The following KHDRBS3 variants were observed in gnomAD, a reference collection of about 807,000 sequenced individuals.
KHDRBS3 encodes KH domain-containing, RNA-binding, signal transduction-associated protein 3.
Under a neutral mutation model 45.6 loss-of-function variants are expected in KHDRBS3, and 23 were observed. The ratio of observed to expected loss-of-function variants is 0.50; its 90% CI spans 0.36 to 0.72. The LOEUF (loss-of-function observed/expected upper bound fraction) is 0.72, where lower values mean the gene tolerates loss of function less well. Ranked by LOEUF, KHDRBS3 falls within the 30% of genes least tolerant of loss-of-function variation. KHDRBS3 has a pLI of 0.00. For synonymous variants in KHDRBS3, 162 were observed against 156.5 expected (o/e 1.04, Z -0.26); for missense variants, 352 against 424.8 (o/e 0.83, Z 1.51).
intron 1 of KHDRBS3, among the ~76,000 whole-genome samples, chr8:135,517,408 G>A (rs928714566): frequency 1.3e-5 from 2 of 152,026 alleles, no homozygotes; most frequent in Non-Finnish European, 2.9e-5. Flanking sequence ...TTCCTCCCTC[G>A]GGGAAGATGA....
chr8:135,539,005 A>G (rs1483564396), intron 2 of KHDRBS3: 3 of 152,242 alleles, frequency 2.0e-5, no homozygotes, highest in African/African-American at 7.2e-5. Context: ...TTGAACTTGC[A>G]AACTGAAAAG....
At chr8:135,628,526 G>C (rs754044730) in intron 7 of KHDRBS3, among the ~76,000 whole-genome samples, 3 of 152,162 alleles carry the variant, frequency 2.0e-5, no homozygotes, top group Non-Finnish European at 2.9e-5. Context: ...AAAGACGAAA[G>C]ATAAATTGCA....
At chr8:135,572,573 A>G (rs1242486156) in intron 5 of KHDRBS3, among the ~76,000 whole-genome samples, 2 of 152,252 alleles carry the variant, frequency 1.3e-5, no homozygotes, top group Non-Finnish European at 2.9e-5. Flanking sequence ...TCTAAGACTC[A>G]GCTCATCAAA....
At chr8:135,595,699 C>G (rs1828942457) in intron 6 of KHDRBS3, among the ~76,000 whole-genome samples, 1 of 152,196 alleles carries the variant, frequency 6.6e-6, no homozygotes, top group Admixed American at 6.5e-5. Context: ...CTTGGCATCT[C>G]TCATCTGGCA....
intron 7 of KHDRBS3, among the ~76,000 whole-genome samples, chr8:135,635,730 A>G (rs1306356825): frequency 6.6e-6 from 1 of 152,100 alleles, no homozygotes; most frequent in African/African-American, 2.4e-5. Flanking sequence ...AGACTCTAAA[A>G]CCATACCAGT....
At chr8:135,480,201 A>G (rs1319124859) in intron 1 of KHDRBS3, among the ~76,000 whole-genome samples, 1 of 152,206 alleles carries the variant, frequency 6.6e-6, no homozygotes, top group Non-Finnish European at 1.5e-5. Context: ...ACCCACAGGT[A>G]CCATTATATT....
chr8:135,567,769 C>A (rs997885114), intron 5 of KHDRBS3, among the ~76,000 whole-genome samples: 1 of 152,212 alleles, frequency 6.6e-6, no homozygotes, highest in Non-Finnish European at 1.5e-5. Context: ...TGTGGCCTTC[C>A]CATTACCCAA....
intron 7 of KHDRBS3, among the ~76,000 whole-genome samples, chr8:135,612,618 G>A (rs1041604428): frequency 1.3e-5 from 2 of 151,820 alleles, no homozygotes; most frequent in Non-Finnish European, 2.9e-5. Context: ...TCTCAATTCA[G>A]AATTTGAAAG....
chr8:135,502,561 C>T (rs1333704025), intron 1 of KHDRBS3, among the ~76,000 whole-genome samples: 2 of 152,108 alleles, frequency 1.3e-5, no homozygotes, highest in Admixed American at 1.3e-4. Context: ...TTATACTTTA[C>T]ATTGTGAGTA....
In KHDRBS3 at chr8:135,521,187, C is replaced by G. The variant is rs764459594; in HGVS notation, c.89-50C>G. Reference sequence around the variant, plus strand: ...TACAGAGCTAACCAGAACACCCAGCCCCTGCATTTCTGAGTCATACACTTC... The same window carrying G: ...TACAGAGCTAACCAGAACACCCAGCGCCTGCATTTCTGAGTCATACACTTC... On this transcript the variant is annotated intron_variant, in intron 1 of 8. Coordinates refer to ENST00000355849, the MANE Select transcript of KHDRBS3 (RefSeq NM_006558.3). 18 of 1,078,456 alleles carry G rather than the reference C, an allele frequency of 1.7e-5. No homozygotes were observed. In the East Asian group the frequency reaches 4.0e-4, roughly 24 times the overall value. The allele number at this position is 1,078,456 out of a possible 1,614,324, so 66.8% of individuals were successfully genotyped here.
intron 7 of KHDRBS3, among the ~76,000 whole-genome samples, chr8:135,631,357 CATA>C (rs1204808617): frequency 2.7e-5 from 4 of 150,632 alleles, no homozygotes; most frequent in Non-Finnish European, 5.9e-5. Context: ...TTGACTCTTT[CATA>C]ATAACACTTA....
intron 6 of KHDRBS3, among the ~76,000 whole-genome samples, chr8:135,589,000 G>A (rs1163370852): frequency 2.0e-5 from 3 of 152,126 alleles, no homozygotes; most frequent in Non-Finnish European, 4.4e-5. Context: ...TATTCAAATA[G>A]CTACCAAGTC....
At chr8:135,537,158 C>G (rs899627116) in intron 2 of KHDRBS3, among the ~76,000 whole-genome samples, 1 of 152,016 alleles carries the variant, frequency 6.6e-6, no homozygotes, top group Admixed American at 6.6e-5. Flanking sequence ...TGAGTTACTG[C>G]GAAGACAGTG....
intron 3 of KHDRBS3, among the ~76,000 whole-genome samples, chr8:135,547,300 A>G (rs1409434888): frequency 2.0e-5 from 3 of 152,172 alleles, no homozygotes; most frequent in Admixed American, 6.5e-5. Context: ...GATGGAAGCT[A>G]GCATGTATTG....
chr8:135,568,342 ATAAC>A (rs1260344128), intron 5 of KHDRBS3, among the ~76,000 whole-genome samples: 2 of 152,206 alleles, frequency 1.3e-5, no homozygotes, highest in African/African-American at 2.4e-5. Context: ...TTTTCAAAAA[ATAAC>A]TAATCAAGAA....
At chr8:135,555,530 C>G (rs1331257303) in intron 4 of KHDRBS3, among the ~76,000 whole-genome samples, 2 of 151,996 alleles carry the variant, frequency 1.3e-5, no homozygotes, top group African/African-American at 4.8e-5. Flanking sequence ...AGTTAGGTCT[C>G]TTGATTCATT....
At chr8:135,603,135 G>A (rs1455354913) in intron 6 of KHDRBS3, among the ~76,000 whole-genome samples, 1 of 152,162 alleles carries the variant, frequency 6.6e-6, no homozygotes, top group Admixed American at 6.6e-5. Flanking sequence ...TCCCACCTCA[G>A]TGCTTACCCT....
intron 3 of KHDRBS3, among the ~76,000 whole-genome samples, chr8:135,544,084 T>A (rs1826173284): frequency 6.6e-6 from 1 of 152,150 alleles, no homozygotes; most frequent in East Asian, 1.9e-4. Flanking sequence ...GGTCAGAAAT[T>A]ATGTGTATTT....
At chr8:135,544,557 A>G (rs1175580301) in intron 3 of KHDRBS3, among the ~76,000 whole-genome samples, 1 of 152,106 alleles carries the variant, frequency 6.6e-6, no homozygotes. Flanking sequence ...GAAGTAATGC[A>G]TGACTTCCCT....
Sources: gnomAD v4.1 joint callset for allele counts (sites outside exome capture counted in the v4.1 genomes callset) on GRCh38, gnomAD v4.1.1 for gene constraint, MANE v1.5 for transcripts, NCBI Gene and HGNC (gene_info 2026-07-23, HGNC 2026-07-21) for gene names.